The following ATG7 variants were observed in gnomAD, a reference collection of about 807,000 sequenced individuals.
ATG7 encodes autophagy related 7, also known as ubiquitin-like modifier-activating enzyme ATG7.
A neutral mutation model predicts 82.4 loss-of-function variants in ATG7; 70 were observed. The ratio of observed to expected loss-of-function variants is 0.85; its 90% CI spans 0.70 to 1.04. ATG7 has a LOEUF of 1.04. ATG7 is among the 50% of genes least tolerant of loss of function. The pLI is 0.00. For synonymous variants in ATG7, 287 were observed against 313.0 expected (o/e 0.92, Z 0.88); for missense variants, 792 against 864.3 (o/e 0.92, Z 1.05).
At chr3:11,307,198 T>C in intron 6 of ATG7, 138 bp downstream of exon 6, 1 of 807,400 alleles carries the variant, frequency 1.2e-6, no homozygotes, top group Non-Finnish European at 2.1e-6. Context: ...CTTTGGTATA[T>C]TTCTCCAGAG....
At chr3:11,396,476 G>A (rs1222361053) in intron 19 of ATG7, among the ~76,000 whole-genome samples, 1 of 152,060 alleles carries the variant, frequency 6.6e-6, no homozygotes, top group Non-Finnish European at 1.5e-5. Flanking sequence ...ATGAACATTT[G>A]AACATTTACT....
intron 9 of ATG7, among the ~76,000 whole-genome samples, chr3:11,318,710 A>G (rs1949787711): frequency 6.6e-6 from 1 of 152,160 alleles, no homozygotes; most frequent in Non-Finnish European, 1.5e-5. Flanking sequence ...CCTGTCCACC[A>G]CTAGCCTCAT....
intron 19 of ATG7, among the ~76,000 whole-genome samples, chr3:11,393,799 C>T (rs758409993): frequency 6.6e-6 from 1 of 151,986 alleles, no homozygotes; most frequent in Non-Finnish European, 1.5e-5. Flanking sequence ...TCGTGCCTCA[C>T]CCTCGCAAGT....
intron 20 of ATG7, among the ~76,000 whole-genome samples, chr3:11,482,928 T>A (rs1405487645): frequency 6.6e-6 from 1 of 152,014 alleles, no homozygotes; most frequent in Non-Finnish European, 1.5e-5. Context: ...TTTCCAGGAC[T>A]TGAGAAGCCC....
At chr3:11,287,233 G>C (rs1944237811) in intron 3 of ATG7, among the ~76,000 whole-genome samples, 2 of 152,196 alleles carry the variant, frequency 1.3e-5, no homozygotes, top group Non-Finnish European at 2.9e-5. Context: ...CAAATGTCTA[G>C]GTGGCTTAGA....
intron 19 of ATG7, among the ~76,000 whole-genome samples, chr3:11,416,419 C>T (rs2081378280): frequency 6.6e-6 from 1 of 151,820 alleles, no homozygotes. Context: ...CCATTTTTTT[C>T]TTATTTGAGT....
At chr3:11,532,871 T>A (rs752686477) in intron 20 of ATG7, among the ~76,000 whole-genome samples, 1 of 152,210 alleles carries the variant, frequency 6.6e-6, no homozygotes, top group South Asian at 2.1e-4. Flanking sequence ...AAATGAATTA[T>A]TTTGTTGAGA....
At chr3:11,371,849 C>A (rs1370640526) in intron 18 of ATG7, among the ~76,000 whole-genome samples, 1 of 151,352 alleles carries the variant, frequency 6.6e-6, no homozygotes, top group Admixed American at 6.6e-5. Context: ...TCCCAGTGCA[C>A]ATCTGCAGCC....
chr3:11,381,416 C>G (rs187259103), intron 19 of ATG7, among the ~76,000 whole-genome samples: 30 of 152,278 alleles, frequency 2.0e-4, no homozygotes, highest in African/African-American at 6.0e-4. Context: ...TTATGTTGGT[C>G]TGGCTAGTCA....
At chr3:11,291,635 C>T (rs1334836638) in intron 3 of ATG7, among the ~76,000 whole-genome samples, 1 of 152,178 alleles carries the variant, frequency 6.6e-6, no homozygotes, top group Non-Finnish European at 1.5e-5. Flanking sequence ...TTAATAAGAA[C>T]AGTTACTAAT....
intron 1 of ATG7, among the ~76,000 whole-genome samples, chr3:11,279,385 A>T (rs1942564240): frequency 6.6e-6 from 1 of 152,298 alleles, no homozygotes; most frequent in East Asian, 1.9e-4. Context: ...TCTATAGGAT[A>T]TTCTTAAAAC....
At chr3:11,312,399 G>A (rs1449528997) in intron 7 of ATG7, among the ~76,000 whole-genome samples, 1 of 152,204 alleles carries the variant, frequency 6.6e-6, no homozygotes, top group Non-Finnish European at 1.5e-5. Flanking sequence ...TAGCGTGAGT[G>A]GGAACAGTGT....
At position 11,555,678 on chromosome 3, in the gene ATG7, C is replaced by G. The variant is rs2072336394; in HGVS notation, c.*835C>G. 6.6e-6 allele frequency: 1 copy of G among 152,346 alleles called. No individual in the cohort carries two copies. Among genetic ancestry groups the G allele is most frequent in the South Asian group, 2.1e-4 (1 of 4,822 alleles). The allele number at this position is 152,346 out of a possible 1,614,324, so 9.4% of individuals were successfully genotyped here. A position where few individuals can be genotyped will look rare whatever the true frequency, so the allele number is the denominator to read the frequency against. On this transcript the variant is annotated 3_prime_UTR_variant, in exon 21 of 21. Coordinates refer to ENST00000693202, the MANE Select transcript of ATG7 (RefSeq NM_001349232.2). Reference sequence around the variant, plus strand: ...CCCAGCCGAGGGAGGGGTCAGACGGCTCTACCATGGGTAACTCAGGCAAGA... The same window carrying G: ...CCCAGCCGAGGGAGGGGTCAGACGGGTCTACCATGGGTAACTCAGGCAAGA...
chr3:11,527,092 T>TAC (rs1293562935), intron 20 of ATG7, among the ~76,000 whole-genome samples: 62 of 142,240 alleles, frequency 4.4e-4, no homozygotes, highest in East Asian at 2.1e-3. Flanking sequence ...TATATATATA[T>TAC]ACATACATAT....
chr3:11,351,915 A>C (rs1326425952), intron 14 of ATG7, among the ~76,000 whole-genome samples: 1 of 151,060 alleles, frequency 6.6e-6, no homozygotes, highest in Non-Finnish European at 1.5e-5. Flanking sequence ...GGTTTGTTAC[A>C]TATGTATACA....
At chr3:11,310,864 C>A (rs897401937) in intron 7 of ATG7, among the ~76,000 whole-genome samples, 8 of 152,112 alleles carry the variant, frequency 5.3e-5, no homozygotes, top group African/African-American at 1.9e-4. Flanking sequence ...GATCTCCTGA[C>A]CTCGTGATCC....
chr3:11,273,865 G>A (rs946824484), intron 1 of ATG7, among the ~76,000 whole-genome samples: 2 of 152,080 alleles, frequency 1.3e-5, no homozygotes, highest in Non-Finnish European at 2.9e-5. Context: ...GTAATTGGGG[G>A]GAAGCATAAA....
chr3:11,466,179 A>G (rs572353291), intron 20 of ATG7, among the ~76,000 whole-genome samples: 2 of 152,392 alleles, frequency 1.3e-5, no homozygotes, highest in South Asian at 2.1e-4. Flanking sequence ...TGCTGCAGAC[A>G]TCACAAGACT....
At chr3:11,289,344 A>C (rs1356237000) in intron 3 of ATG7, among the ~76,000 whole-genome samples, 2 of 152,202 alleles carry the variant, frequency 1.3e-5, no homozygotes, top group African/African-American at 4.8e-5. Flanking sequence ...CTTCCAGCTT[A>C]AGCGCTGTAG....
Sources: allele counts gnomAD v4.1 joint callset (sites outside exome capture counted in the v4.1 genomes callset), GRCh38; gene constraint gnomAD v4.1.1; transcripts MANE v1.5; gene names NCBI Gene and HGNC (gene_info 2026-07-23, HGNC 2026-07-21).